Variants in SAMD3 observed in about 807,000 individuals in gnomAD.
SAMD3 encodes the protein sterile alpha motif domain containing 3, also known as sterile alpha motif domain-containing protein 3.
SAMD3 carries 63 observed loss-of-function variants against 58.5 expected under a neutral mutation model. The ratio of observed to expected loss-of-function variants is 1.08; its 90% CI spans 0.88 to 1.33. The LOEUF (loss-of-function observed/expected upper bound fraction) is 1.33, where lower values mean the gene tolerates loss of function less well. Ranked by LOEUF, SAMD3 falls within the 40% of genes most tolerant of loss-of-function variation. SAMD3 has a pLI of 0.00. For synonymous variants in SAMD3, 220 were observed against 210.3 expected, an observed-to-expected ratio of 1.05 and a Z score of -0.40; for missense variants, 604 against 608.4, an observed-to-expected ratio of 0.99 and a Z score of 0.08.
At chr6:130,241,279 C>T (rs147654194) in intron 2 of SAMD3, among the ~76,000 whole-genome samples, 13 of 146,104 alleles carry the variant, frequency 8.9e-5, no homozygotes, top group South Asian at 2.2e-4. Flanking sequence ...GGCGCAGTCT[C>T]GGCTCACTTC....
chr6:130,155,087 C>T (rs1789659715), intron 8 of SAMD3, 62 bp from the exon 9 acceptor site: 3 of 1,344,144 alleles, frequency 2.2e-6, no homozygotes, highest in Middle Eastern at 1.8e-4. Context: ...GAATTTCAGG[C>T]TGTTATTGCA....
intron 8 of SAMD3, among the ~76,000 whole-genome samples, chr6:130,159,380 C>T (rs758801508): frequency 1.2e-4 from 18 of 152,124 alleles, no homozygotes; most frequent in Non-Finnish European, 2.1e-4. Flanking sequence ...GTAAATTGCC[C>T]GGTCTCAGGT....
intron 8 of SAMD3, chr6:130,159,892 G>C (rs989616052): frequency 1.3e-5 from 2 of 152,122 alleles, no homozygotes; most frequent in Admixed American, 6.6e-5. Flanking sequence ...CATATGAAAA[G>C]ATGATCACCC....
chr6:130,231,233 T>C (rs1796537245), intron 2 of SAMD3, among the ~76,000 whole-genome samples: 1 of 152,190 alleles, frequency 6.6e-6, no homozygotes, highest in South Asian at 2.1e-4. Flanking sequence ...TTTTGCCTGA[T>C]ATAAAAATTT....
intron 2 of SAMD3, among the ~76,000 whole-genome samples, chr6:130,299,055 T>A (rs62433893): frequency 0.17 from 25,640 of 152,078 alleles, 2,420 homozygotes; most frequent in East Asian, 0.36. Flanking sequence ...CAGATCACTG[T>A]GGCAGAAAAC....
chr6:130,283,520 T>C (rs1375526116), intron 2 of SAMD3, among the ~76,000 whole-genome samples: 11 of 151,978 alleles, frequency 7.2e-5, no homozygotes. Flanking sequence ...ACAGATTACC[T>C]AAAAAGAAAC....
chr6:130,356,030 A>G (rs1777817811), intron 1 of SAMD3, among the ~76,000 whole-genome samples: 2 of 152,160 alleles, frequency 1.3e-5, no homozygotes, highest in African/African-American at 4.8e-5. Context: ...TTCAATTGCC[A>G]TCAGTTTGAA....
chr6:130,365,707 G>C (rs1778118823), upstream of SAMD3: 5 of 985,394 alleles, frequency 5.1e-6, no homozygotes, highest in South Asian at 2.3e-4. Flanking sequence ...AGCCCGGGAA[G>C]AGCGCCTGCA....
chr6:130,330,349 T>C (rs1776889974), intron 1 of SAMD3, among the ~76,000 whole-genome samples: 2 of 152,206 alleles, frequency 1.3e-5, no homozygotes, highest in Admixed American at 6.5e-5. Context: ...TTTTGTGATA[T>C]AAACTTTCTT....
intron 2 of SAMD3, among the ~76,000 whole-genome samples, chr6:130,305,580 T>A (rs1775887127): frequency 6.6e-6 from 1 of 152,168 alleles, no homozygotes; most frequent in Admixed American, 6.6e-5. Context: ...AACATTCAAT[T>A]CTACCAGTTA....
At chr6:130,208,671 G>A (rs1187628126) in intron 5 of SAMD3, among the ~76,000 whole-genome samples, 5 of 152,124 alleles carry the variant, frequency 3.3e-5, no homozygotes, top group African/African-American at 1.2e-4. Context: ...GGACTGTCTA[G>A]TTGCAGAAAA....
chr6:130,323,458 T>G (rs1776651785), intron 1 of SAMD3, among the ~76,000 whole-genome samples: 1 of 148,584 alleles, frequency 6.7e-6, no homozygotes. Context: ...TTTTTTTTTT[T>G]GTATGATGAG....
chr6:130,351,474 A>C (rs1365615093), intron 1 of SAMD3, among the ~76,000 whole-genome samples: 1 of 152,242 alleles, frequency 6.6e-6, no homozygotes, highest in East Asian at 1.9e-4. Flanking sequence ...ACACACGAAA[A>C]AATGCTCATC....
At chr6:130,279,487 C>CTTTTTTT (rs397886882) in intron 2 of SAMD3, among the ~76,000 whole-genome samples, 1 of 123,378 alleles carries the variant, frequency 8.1e-6, no homozygotes, top group Non-Finnish European at 1.6e-5. Flanking sequence ...TCAATTAAAC[C>CTTTTTTT]TTTTTTTTTT....
chr6:130,229,530 G>C (rs1796480955), intron 2 of SAMD3, among the ~76,000 whole-genome samples: 1 of 152,182 alleles, frequency 6.6e-6, no homozygotes, highest in African/African-American at 2.4e-5. Context: ...CTATTGGACT[G>C]AGATTTATAC....
chr6:130,191,898 C>A (rs972514464), intron 5 of SAMD3, among the ~76,000 whole-genome samples: 56 of 152,330 alleles, frequency 3.7e-4, no homozygotes, highest in African/African-American at 1.3e-3. Flanking sequence ...AGATCCAGTC[C>A]AGACACAAGC....
chr6:130,223,281 T>G (rs945558199), upstream of SAMD3, among the ~76,000 whole-genome samples: 4 of 152,336 alleles, frequency 2.6e-5, no homozygotes, highest in East Asian at 7.7e-4. Context: ...TCTAGTGTCT[T>G]GAGGCTTCAT....
chr6:130,252,372 A>G (rs990187), intron 2 of SAMD3, among the ~76,000 whole-genome samples: 74,431 of 151,912 alleles, frequency 0.49, 22,136 homozygotes, highest in African/African-American at 0.84. Flanking sequence ...GCTTTCCTTT[A>G]CATCTCATTT....
At chr6:130,266,217 T>C (rs1408773697) in intron 2 of SAMD3, among the ~76,000 whole-genome samples, 2 of 152,216 alleles carry the variant, frequency 1.3e-5, no homozygotes, top group African/African-American at 2.4e-5. Flanking sequence ...ATGAACTGAA[T>C]GTGCCAGTAC....
Sources: allele counts gnomAD v4.1 joint callset (sites outside exome capture counted in the v4.1 genomes callset), GRCh38; gene constraint gnomAD v4.1.1; transcripts MANE v1.5; gene names NCBI Gene and HGNC (gene_info 2026-07-23, HGNC 2026-07-21).